Variants in RASA3 observed in about 807,000 individuals in gnomAD.
RASA3 encodes the protein RAS p21 protein activator 3.
A neutral mutation model predicts 110.0 loss-of-function variants in RASA3; 73 were observed. The ratio of observed to expected loss-of-function variants is 0.66; its 90% CI spans 0.55 to 0.81. The LOEUF (loss-of-function observed/expected upper bound fraction) is 0.81. Ranked by LOEUF, RASA3 falls within the 30% of genes least tolerant of loss-of-function variation. The pLI, the probability that RASA3 is intolerant of heterozygous loss-of-function variation, is 0.00. For synonymous variants in RASA3, 500 were observed against 451.4 expected (o/e 1.11, Z -1.37); for missense variants, 976 against 1,113.2 (o/e 0.88, Z 1.75).
At chr13:114,042,656 A>G (rs1018854159) in intron 3 of RASA3, among the ~76,000 whole-genome samples, 1 of 152,212 alleles carries the variant, frequency 6.6e-6, no homozygotes, top group Non-Finnish European at 1.5e-5. Flanking sequence ...ACGCCAGGAC[A>G]GCGCAGCCCA....
chr13:114,030,844 T>C (rs2054150806), intron 4 of RASA3, among the ~76,000 whole-genome samples: 1 of 152,104 alleles, frequency 6.6e-6, no homozygotes, highest in Admixed American at 6.5e-5. Flanking sequence ...TGTGCAGCTG[T>C]GTGTCCTCCT....
In RASA3 at chr13:114,014,672, C is replaced by G. The variant is rs911423977; in HGVS notation, c.1405+537G>C. On this transcript the variant is annotated intron_variant, in intron 14 of 23. Transcript: ENST00000334062. This position sits in a 1 kb window ranked among gnomAD's most constrained non-coding sequence, Gnocchi z 4.5. Reference sequence around the variant, plus strand: ...AAGTGGGGTTTGGGTGCTGGATGCCCAGGTCCCTAGGGGATCTCCGGCTTG... The same window carrying G: ...AAGTGGGGTTTGGGTGCTGGATGCCGAGGTCCCTAGGGGATCTCCGGCTTG... Among the ~76,000 whole-genome samples the G allele has an allele frequency of 2.0e-5, 3 of 152,120 alleles. No individual in the cohort carries two copies. Among genetic ancestry groups the G allele is most frequent in the Non-Finnish European group, 4.4e-5 (3 of 68,006 alleles).
intron 9 of RASA3, among the ~76,000 whole-genome samples, chr13:114,020,554 C>T (rs2053904502): frequency 6.6e-6 from 1 of 152,222 alleles, no homozygotes; most frequent in Non-Finnish European, 1.5e-5. Flanking sequence ...GGGTGCGAGG[C>T]CCCGGCACAC....
intron 2 of RASA3, among the ~76,000 whole-genome samples, chr13:114,055,789 G>C (rs1022076805): frequency 6.6e-6 from 1 of 151,812 alleles, no homozygotes; most frequent in African/African-American, 2.4e-5. Flanking sequence ...TTCACTTCCT[G>C]CTCCAGAGTG....
At chr13:113,998,474 A>G (rs1343147799) in intron 20 of RASA3, among the ~76,000 whole-genome samples, 1 of 152,242 alleles carries the variant, frequency 6.6e-6, no homozygotes, top group Non-Finnish European at 1.5e-5. Context: ...CAACTGTTCT[A>G]TGACCCTCAT....
intron 7 of RASA3, 123 bp downstream of exon 7, chr13:114,027,266 C>T (rs2054043285): frequency 3.4e-6 from 3 of 870,154 alleles, no homozygotes; most frequent in African/African-American, 1.7e-5. Context: ...GCTGGCGGGG[C>T]TCGCTCCTCT....
chr13:114,063,412 CATT>C (rs545433147), intron 2 of RASA3, among the ~76,000 whole-genome samples: 21 of 150,276 alleles, frequency 1.4e-4, no homozygotes, highest in South Asian at 1.0e-3. Context: ...TATAATGACT[CATT>C]ATATTATAAT....
At position 114,057,745 on chromosome 13, in the gene RASA3, C is replaced by T. The variant is rs1317329487; in HGVS notation, c.174-5590G>A. Among the ~76,000 whole-genome samples, 1 of 152,180 alleles carries T rather than the reference C, an allele frequency of 6.6e-6. No homozygotes were observed. Among genetic ancestry groups the T allele is most frequent in the Non-Finnish European group, 1.5e-5 (1 of 68,022 alleles). On this transcript the variant is annotated intron_variant, in intron 2 of 23. Coordinates refer to ENST00000334062, the MANE Select transcript of RASA3 (RefSeq NM_007368.4). This position sits in a 1 kb window ranked among gnomAD's most constrained non-coding sequence, Gnocchi z 5.0. ...GGGGCAGTTAACCTCTGAGAATGAA[C>T]CCACAGCTAAAACCCATAAAACCTC...
At chr13:114,015,187 T>C in intron 14 of RASA3, 22 bp downstream of exon 14, 1 of 1,612,424 alleles carries the variant, frequency 6.2e-7, no homozygotes, top group East Asian at 2.2e-5. Context: ...CTCAGCAACA[T>C]GAGGGTGTTC....
chr13:113,992,790 C>T (rs899319650), intron 21 of RASA3, among the ~76,000 whole-genome samples: 5 of 152,224 alleles, frequency 3.3e-5, no homozygotes, highest in East Asian at 1.9e-4. Context: ...CACAGCAGCA[C>T]GGACAGCAGT....
rs1334019903 is a variant in RASA3, at chr13:114,018,109, C to T, written c.1086G>A (p.Arg362=). The T allele has an allele frequency of 1.3e-6, 2 of 1,539,492 alleles. No homozygotes were observed. Among genetic ancestry groups the T allele is most frequent in the South Asian group, 2.4e-5 (2 of 82,986 alleles). The change falls in exon 11 of 24, where the codon CGG becomes CGA. Residue 362 remains arginine, a synonymous_variant. Transcript: ENST00000334062. ...ISAIASAEVK[R]TQDPNTIFRG... ...GGGGCAGGGTGGGCACTCACTGGGT[C>T]CGCTTCACCTCCGCGCTGGCGATGG...
chr13:114,079,317 G>A (rs768780159), intron 1 of RASA3, among the ~76,000 whole-genome samples: 21 of 152,208 alleles, frequency 1.4e-4, no homozygotes, highest in Non-Finnish European at 2.1e-4. Context: ...CGACAGCCCC[G>A]GTGCATGGTC....
chr13:113,996,885 A>T, intron 20 of RASA3, 146 bp from the exon 21 acceptor site: 1 of 704,812 alleles, frequency 1.4e-6, no homozygotes, highest in Non-Finnish European at 2.4e-6. Flanking sequence ...TGGAGCTCTA[A>T]GCCCCAGAAG....
chr13:114,081,692 G>A (rs1363126058), intron 1 of RASA3, among the ~76,000 whole-genome samples: 2 of 152,196 alleles, frequency 1.3e-5, no homozygotes, highest in Non-Finnish European at 2.9e-5. Context: ...AGGAGACTGA[G>A]GCAAATCCTA....
At chr13:114,020,486 C>T (rs2053902894) in intron 9 of RASA3, among the ~76,000 whole-genome samples, 6 of 152,192 alleles carry the variant, frequency 3.9e-5, no homozygotes, top group African/African-American at 9.7e-5. Context: ...AAAAGACACG[C>T]GTGTTTCACG....
Position 114,034,391 on chromosome 13 carries a change from G to A in RASA3, c.373-4504C>T, listed in dbSNP as rs116219469. Among the ~76,000 whole-genome samples, 912 of 152,338 alleles carry A rather than the reference G, an allele frequency of 6.0e-3. 2 individuals carry two copies. The highest frequency in any genetic ancestry group is 0.018 in the African/African-American group (731 of 41,562). ...TCACGACTGCATGTGGGGGGTCCTG[G>A]TCCCCAGCAGCAGGCTGTGTGGCCC... On this transcript the variant is annotated intron_variant, in intron 4 of 23. Transcript: ENST00000334062.
chr13:114,082,307 G>A (rs75698688), intron 1 of RASA3, among the ~76,000 whole-genome samples: 2,161 of 152,342 alleles, frequency 0.014, 137 homozygotes, highest in Admixed American at 0.1. Context: ...TTTGCCTCAC[G>A]CAGTACCAAA....
Position 113,999,633 on chromosome 13 carries a change from G to A in RASA3, c.1884C>T (p.Asn628=), listed in dbSNP as rs746268054. The A allele has an allele frequency of 1.2e-6, 2 of 1,613,374 alleles. No individual in the cohort carries two copies. Among genetic ancestry groups the A allele is most frequent in the South Asian group, 1.1e-5 (1 of 91,006 alleles). ...CCTCCAGCTTCTCCACTGCCAGGAT[G>A]TTCTCGATGGGAATGCTGTAGAGAG... is the stretch of plus-strand genomic sequence containing the variant. ...DQPLYSIPIE[N]ILAVEKLEEE... Residue 628 remains asparagine (N), a synonymous_variant, in exon 20 of 24, where the codon AAC becomes AAT. Transcript: ENST00000334062.
At chr13:114,101,079 C>T (rs1437777287) in intron 1 of RASA3, among the ~76,000 whole-genome samples, 2 of 152,158 alleles carry the variant, frequency 1.3e-5, no homozygotes, top group Non-Finnish European at 2.9e-5. Flanking sequence ...GACAGGGGCT[C>T]CCCACACCCA....
Sources: allele counts gnomAD v4.1 joint callset (sites outside exome capture counted in the v4.1 genomes callset), GRCh38; gene constraint gnomAD v4.1.1; non-coding constraint Gnocchi (gnomAD v3.1); transcripts MANE v1.5; gene names NCBI Gene and HGNC (gene_info 2026-07-23, HGNC 2026-07-21).